The following CFDP1 variants were observed in gnomAD, a reference collection of about 807,000 sequenced individuals.
CFDP1 encodes heterochromatin-stabilizing protein CFDP1.
In CFDP1, 31 loss-of-function variants were observed where a neutral mutation model predicts 40.1. The observed-to-expected ratio is 0.77, with a 90% confidence interval of 0.58 to 1.04. The LOEUF (loss-of-function observed/expected upper bound fraction) is 1.04, where lower values mean the gene tolerates loss of function less well. CFDP1 is among the 50% of genes least tolerant of loss of function. The probability of loss-of-function intolerance (pLI) is 0.00; values close to 1 mark genes in which losing one functional copy is unlikely to be tolerated. For missense variants in CFDP1, 423 were observed against 343.4 expected (o/e 1.23, Z -1.83); for synonymous variants, 167 against 120.0 (o/e 1.39, Z -2.56).
chr16:75,317,170 T>C (rs761780899), intron 5 of CFDP1, among the ~76,000 whole-genome samples: 4 of 152,170 alleles, frequency 2.6e-5, no homozygotes, highest in Non-Finnish European at 4.4e-5. Flanking sequence ...TCTCAAGGCC[T>C]GGTGCCTGGT....
At chr16:75,309,450 C>T (rs1000219507) in intron 5 of CFDP1, among the ~76,000 whole-genome samples, 4 of 151,896 alleles carry the variant, frequency 2.6e-5, no homozygotes, top group Non-Finnish European at 4.4e-5. Context: ...ACTGGCTCTC[C>T]AGGCATCTGG....
intron 5 of CFDP1, among the ~76,000 whole-genome samples, chr16:75,322,360 C>T (rs2078370636): frequency 6.6e-6 from 1 of 152,138 alleles, no homozygotes; most frequent in Admixed American, 6.5e-5. Flanking sequence ...TATTTATAGT[C>T]ATGTGTTGCT....
intron 6 of CFDP1, chr16:75,301,969 A>G (rs1210264678): frequency 2.6e-5 from 4 of 152,426 alleles, no homozygotes; most frequent in Non-Finnish European, 5.9e-5. Flanking sequence ...AAGGCAGATG[A>G]GAAGGGCTGA....
chr16:75,403,484 G>A (rs1156716995), intron 4 of CFDP1, among the ~76,000 whole-genome samples: 1 of 152,190 alleles, frequency 6.6e-6, no homozygotes, highest in African/African-American at 2.4e-5. Context: ...CTCCCAAAGT[G>A]CCGGGATTAC....
intron 5 of CFDP1, among the ~76,000 whole-genome samples, chr16:75,308,145 C>T (rs1408062693): frequency 6.6e-6 from 1 of 152,208 alleles, no homozygotes; most frequent in Admixed American, 6.5e-5. Flanking sequence ...ACTGCCTGGA[C>T]AGGTGGTGGA....
intron 5 of CFDP1, among the ~76,000 whole-genome samples, chr16:75,331,044 G>T: frequency 6.6e-6 from 1 of 150,988 alleles, no homozygotes; most frequent in African/African-American, 2.4e-5. Flanking sequence ...TTATTTCACA[G>T]CTATTCAGGA....
intron 5 of CFDP1, among the ~76,000 whole-genome samples, chr16:75,349,951 C>T (rs1011050858): frequency 6.6e-6 from 1 of 151,672 alleles, no homozygotes; most frequent in African/African-American, 2.4e-5. Flanking sequence ...ACATACTTGT[C>T]TTTTTCCTAT....
At chr16:75,325,248 C>A (rs765754337) in intron 5 of CFDP1, among the ~76,000 whole-genome samples, 1 of 152,210 alleles carries the variant, frequency 6.6e-6, no homozygotes, top group Non-Finnish European at 1.5e-5. Flanking sequence ...TCTGTCCAGT[C>A]CTTACCTCCC....
chr16:75,401,428 C>CA (rs35178768), intron 4 of CFDP1, among the ~76,000 whole-genome samples: 46,769 of 92,306 alleles, frequency 0.51, 11,541 homozygotes, highest in East Asian at 0.58. Flanking sequence ...GACTCCGTCT[C>CA]AAAAAAAAAA....
intron 5 of CFDP1, among the ~76,000 whole-genome samples, chr16:75,343,724 T>C (rs1003733000): frequency 3.9e-5 from 6 of 152,178 alleles, no homozygotes; most frequent in African/African-American, 9.7e-5. Context: ...AAATGGTCAA[T>C]ATCCTAGCAC....
Position 75,433,321 on chromosome 16 carries a change from G to A in CFDP1, c.32C>T (p.Thr11Met), listed in dbSNP as rs199510022. MEEFDSEDFS[T>M]SEEDEDYVPS... is the part of the protein sequence containing the mutation. Reference sequence around the variant, plus strand: ...CACGTAGTCCTCGTCCTCCTCCGACGTAGAGAAGTCTTCGGAGTCGAATTC... The same window carrying A: ...CACGTAGTCCTCGTCCTCCTCCGACATAGAGAAGTCTTCGGAGTCGAATTC... The change falls in exon 1 of 7, where the codon ACG becomes ATG. Residue 11 changes from threonine to methionine, a missense_variant. Physicochemically the swap from Thr to Met is moderately conservative, Grantham distance 81. Transcript: ENST00000283882. 13 of 1,602,092 alleles carry A rather than the reference G, an allele frequency of 8.1e-6. No homozygotes were observed. In the East Asian group the frequency reaches 1.3e-4, roughly 17 times the overall value.
chr16:75,432,538 G>A (rs978083530), intron 1 of CFDP1, among the ~76,000 whole-genome samples: 8 of 151,974 alleles, frequency 5.3e-5, no homozygotes, highest in Admixed American at 1.3e-4. Flanking sequence ...ACAACAGCAA[G>A]ACCCTGTCTT....
At chr16:75,366,174 C>T (rs2078712369) in intron 5 of CFDP1, among the ~76,000 whole-genome samples, 1 of 152,122 alleles carries the variant, frequency 6.6e-6, no homozygotes, top group Non-Finnish European at 1.5e-5. Context: ...TGTGGTATAG[C>T]TATAAAGTAC....
chr16:75,333,217 A>G (rs1358219752), intron 5 of CFDP1, among the ~76,000 whole-genome samples: 4 of 144,978 alleles, frequency 2.8e-5, no homozygotes, highest in Non-Finnish European at 5.9e-5. Context: ...TCTGCCTCCC[A>G]GGTTCACGCC....
intron 5 of CFDP1, among the ~76,000 whole-genome samples, chr16:75,383,162 G>T (rs532257973): frequency 6.6e-6 from 1 of 152,288 alleles, no homozygotes; most frequent in South Asian, 2.1e-4. Flanking sequence ...TTGGGTAACA[G>T]GGTTGTGGCA....
chr16:75,357,877 C>T (rs2078655208), intron 5 of CFDP1, among the ~76,000 whole-genome samples: 1 of 152,198 alleles, frequency 6.6e-6, no homozygotes, highest in Non-Finnish European at 1.5e-5. Flanking sequence ...TAGCTTTTAG[C>T]CTGTCTTGGC....
chr16:75,312,417 C>T (rs1239120798), intron 5 of CFDP1, among the ~76,000 whole-genome samples: 1 of 152,118 alleles, frequency 6.6e-6, no homozygotes, highest in Non-Finnish European at 1.5e-5. Flanking sequence ...AAAAAAAGTG[C>T]CATCTATCAG....
chr16:75,421,280 G>A (rs1473549249), intron 1 of CFDP1, among the ~76,000 whole-genome samples: 2 of 152,100 alleles, frequency 1.3e-5, no homozygotes, highest in Non-Finnish European at 1.5e-5. Flanking sequence ...ATAAAACCCT[G>A]ATTTACTCAA....
intron 5 of CFDP1, among the ~76,000 whole-genome samples, chr16:75,367,430 TAA>T (rs35774804): frequency 2.1e-4 from 25 of 120,018 alleles, no homozygotes; most frequent in East Asian, 2.4e-4. Flanking sequence ...ACTCCAGAAC[TAA>T]AAAAAAAAAA....
Sources: gnomAD v4.1 joint callset for allele counts (sites outside exome capture counted in the v4.1 genomes callset) on GRCh38, gnomAD v4.1.1 for gene constraint, MANE v1.5 for transcripts, NCBI Gene and HGNC (gene_info 2026-07-23, HGNC 2026-07-21) for gene names.